The following PHKB variants were observed in gnomAD, a reference collection of about 807,000 sequenced individuals.
The protein encoded by PHKB is phosphorylase b kinase regulatory subunit beta.
Under a neutral mutation model 152.1 loss-of-function variants are expected in PHKB, and 122 were observed. The ratio of observed to expected loss-of-function variants is 0.80; its 90% confidence interval spans 0.69 to 0.93. PHKB has a LOEUF of 0.93. Among genes scored for constraint, PHKB ranks in the 40% least tolerant of loss-of-function variants. The probability of loss-of-function intolerance (pLI) is 0.00; values close to 1 mark genes in which losing one functional copy is unlikely to be tolerated. For synonymous variants in PHKB, 436 were observed against 464.9 expected, an observed-to-expected ratio of 0.94 and a Z score of 0.80; for missense variants, 1,304 against 1,328.4, an observed-to-expected ratio of 0.98 and a Z score of 0.29.
At chr16:47,483,541 T>G (rs1970001695) in intron 1 of PHKB, among the ~76,000 whole-genome samples, 1 of 152,318 alleles carries the variant, frequency 6.6e-6, no homozygotes, top group Admixed American at 6.5e-5. Flanking sequence ...CAGATTAGTA[T>G]TATTCTCTAT....
Position 47,700,545 on chromosome 16 carries a change from A to C in PHKB, c.*1179A>C, listed in dbSNP as rs1045087914. ...GAGTGTTTTCATTTAATTGATTTAG[A>C]GGTAGAATGGAAGAGAATCTGTGGT... On this transcript the variant is annotated 3_prime_UTR_variant, in exon 31 of 31. Coordinates refer to ENST00000323584, the MANE Select transcript of PHKB (RefSeq NM_000293.3). The C allele has an allele frequency of 2.0e-5, 3 of 152,104 alleles. No individual in the cohort carries two copies. The South Asian group carries it at 6.2e-4, about 31-fold the overall frequency. 9.4% of individuals were successfully genotyped at this position (152,104 alleles called of 1,614,324 possible). A position where few individuals can be genotyped will look rare whatever the true frequency, so the allele number is the denominator to read the frequency against.
intron 6 of PHKB, among the ~76,000 whole-genome samples, chr16:47,534,831 G>A (rs1371027462): frequency 3.3e-5 from 5 of 152,184 alleles, no homozygotes; most frequent in African/African-American, 4.8e-5. Context: ...TGCCAAAAAT[G>A]CATTACTTTT....
chr16:47,499,954 C>T (rs1176019662), intron 3 of PHKB, 60 bp downstream of exon 3: 2 of 1,588,158 alleles, frequency 1.3e-6, no homozygotes, highest in African/African-American at 1.3e-5. Flanking sequence ...TTTGTAGGAC[C>T]AAGACTAATT....
At position 47,569,271 on chromosome 16, in the gene PHKB, T is replaced by C. The variant is rs1971618532; in HGVS notation, c.711-11024T>C. ...AATTGTTCTGTTATAATATAATGAC[T>C]TTCTTTGTCTTTTTATTTAAAGTCT... On this transcript the variant is annotated intron_variant, in intron 7 of 30. Transcript: ENST00000323584. Among the ~76,000 whole-genome samples, 3 of 152,246 alleles carry C rather than the reference T, an allele frequency of 2.0e-5. No homozygotes were observed. In the South Asian group the frequency reaches 6.2e-4, roughly 31 times the overall value.
intron 25 of PHKB, chr16:47,665,683 A>G (rs764137615): frequency 1.6e-4 from 87 of 546,544 alleles, no homozygotes; most frequent in Non-Finnish European, 2.5e-4. Flanking sequence ...TTTGCTTTTT[A>G]TATCAATAGT....
At chr16:47,533,433 G>C (rs1970896956) in intron 6 of PHKB, among the ~76,000 whole-genome samples, 1 of 152,166 alleles carries the variant, frequency 6.6e-6, no homozygotes, top group African/African-American at 2.4e-5. Context: ...TCTGCCTCCT[G>C]CCTGTTCATG....
In PHKB at chr16:47,559,436, G is replaced by T. The variant is rs115058043; in HGVS notation, c.710+11888G>T. Among the ~76,000 whole-genome samples the T allele has an allele frequency of 2.5e-3, 385 of 152,218 alleles. 3 individuals are homozygous for T. Among genetic ancestry groups the T allele is most frequent in the African/African-American group, 8.9e-3 (369 of 41,534 alleles). ...ACAACAACAATCTTTTATTATTATTGTCTTACATTATTATTTATTATTAAG... is the reference window on the plus strand; with the variant it reads ...ACAACAACAATCTTTTATTATTATTTTCTTACATTATTATTTATTATTAAG... On this transcript the variant is annotated intron_variant, in intron 7 of 30. Coordinates refer to ENST00000323584, the MANE Select transcript of PHKB (RefSeq NM_000293.3).
intron 4 of PHKB, among the ~76,000 whole-genome samples, chr16:47,506,027 CAAAAA>C (rs1198434467): frequency 2.0e-5 from 1 of 50,264 alleles, no homozygotes; most frequent in Admixed American, 2.3e-4. Context: ...GAAACTGTCT[CAAAAA>C]AAAAAAAAAA....
At chr16:47,557,613 G>A (rs1971399297) in intron 7 of PHKB, among the ~76,000 whole-genome samples, 1 of 152,196 alleles carries the variant, frequency 6.6e-6, no homozygotes, top group Non-Finnish European at 1.5e-5. Flanking sequence ...CATTTATGCA[G>A]CCAAAAAGCA....
intron 7 of PHKB, among the ~76,000 whole-genome samples, chr16:47,576,499 T>C (rs1398453260): frequency 2.0e-5 from 3 of 152,248 alleles, no homozygotes; most frequent in African/African-American, 7.2e-5. Context: ...ATTTAGTTCC[T>C]CTGTATCCTT....
chr16:47,687,207 G>A (rs550544426), intron 26 of PHKB, among the ~76,000 whole-genome samples: 1 of 152,150 alleles, frequency 6.6e-6, no homozygotes, highest in Non-Finnish European at 1.5e-5. Flanking sequence ...AATAAAATAA[G>A]TAGAAGACAA....
At chr16:47,646,572 T>TAAA (rs35849346) in intron 16 of PHKB, among the ~76,000 whole-genome samples, 26 of 107,736 alleles carry the variant, frequency 2.4e-4, no homozygotes, top group African/African-American at 7.2e-4. Flanking sequence ...AAAAAAATAA[T>TAAA]AAAAAAAAAA....
chr16:47,552,530 T>A (rs1352976680), intron 7 of PHKB, among the ~76,000 whole-genome samples: 2 of 152,262 alleles, frequency 1.3e-5, no homozygotes, highest in East Asian at 3.9e-4. Context: ...TTAAGAATGT[T>A]GAGGCCGTGG....
chr16:47,681,671 C>G (rs1413313355), intron 26 of PHKB, among the ~76,000 whole-genome samples: 1 of 151,996 alleles, frequency 6.6e-6, no homozygotes, highest in Non-Finnish European at 1.5e-5. Flanking sequence ...TGTCTCTGCA[C>G]GTGAGATGGG....
chr16:47,597,686 T>C (rs1972146262), intron 13 of PHKB: 2 of 150,020 alleles, frequency 1.3e-5, no homozygotes, highest in African/African-American at 4.9e-5. Flanking sequence ...TTCTTTTTTT[T>C]TTTTTTTTTT....
At chr16:47,468,063 C>A (rs189479475) in intron 1 of PHKB, among the ~76,000 whole-genome samples, 18 of 152,324 alleles carry the variant, frequency 1.2e-4, no homozygotes, top group African/African-American at 3.8e-4. Flanking sequence ...GCTACTCAAG[C>A]TAAAAAGGTT....
At chr16:47,519,791 A>AT (rs1970656108) in intron 6 of PHKB, among the ~76,000 whole-genome samples, 2 of 152,156 alleles carry the variant, frequency 1.3e-5, no homozygotes, top group African/African-American at 4.8e-5. Context: ...CCAGCCTGCT[A>AT]TTTTTAGCAG....
chr16:47,554,991 CT>C, intron 7 of PHKB, among the ~76,000 whole-genome samples: 1 of 152,162 alleles, frequency 6.6e-6, no homozygotes, highest in Non-Finnish European at 1.5e-5. Context: ...TGACTTTTAG[CT>C]TTTTAAAGTG....
At chr16:47,517,138 A>G (rs1970611089) in intron 6 of PHKB, among the ~76,000 whole-genome samples, 1 of 152,160 alleles carries the variant, frequency 6.6e-6, no homozygotes, top group Admixed American at 6.6e-5. Context: ...TTTTCCACCC[A>G]TAATATCTCC....
Sources: gnomAD v4.1 joint callset for allele counts (sites outside exome capture counted in the v4.1 genomes callset) on GRCh38, gnomAD v4.1.1 for gene constraint, MANE v1.5 for transcripts, NCBI Gene and HGNC (gene_info 2026-07-23, HGNC 2026-07-21) for gene names.